Variants in RBPMS observed in about 807,000 individuals in gnomAD.
The protein encoded by RBPMS is RNA binding protein, mRNA processing factor.
A neutral mutation model predicts 26.8 loss-of-function variants in RBPMS; 7 were observed. That is an observed-to-expected ratio of 0.26 (90% CI 0.15 to 0.49). The LOEUF is 0.49. RBPMS is among the 20% of genes least tolerant of loss of function. RBPMS has a pLI of 0.98. For missense variants in RBPMS, 186 were observed against 250.0 expected (o/e 0.74, Z 1.73); for synonymous variants, 96 against 93.3 (o/e 1.03, Z -0.17).
At chr8:30,415,118 C>T (rs989296737) in intron 1 of RBPMS, among the ~76,000 whole-genome samples, 5 of 152,180 alleles carry the variant, frequency 3.3e-5, no homozygotes, top group Admixed American at 3.3e-4. Context: ...CCCTTATCCC[C>T]ACCATCTAAC....
intron 5 of RBPMS, among the ~76,000 whole-genome samples, chr8:30,530,549 G>A (rs1469470486): frequency 6.6e-6 from 1 of 152,066 alleles, no homozygotes; most frequent in African/African-American, 2.4e-5. Context: ...TGCACCATCC[G>A]CTTCCTGGGT....
intron 4 of RBPMS, among the ~76,000 whole-genome samples, chr8:30,486,382 C>T (rs1193809565): frequency 6.7e-6 from 1 of 149,198 alleles, no homozygotes; most frequent in Non-Finnish European, 1.5e-5. Flanking sequence ...AAACAAAAAA[C>T]AGGGTTCAGC....
At chr8:30,478,826 G>C (rs569944382) in intron 3 of RBPMS, among the ~76,000 whole-genome samples, 10 of 152,158 alleles carry the variant, frequency 6.6e-5, no homozygotes, top group African/African-American at 9.7e-5. Context: ...GCATCCCTTA[G>C]GATTTGAGAT....
At chr8:30,522,685 C>T (rs538702471) in intron 5 of RBPMS, among the ~76,000 whole-genome samples, 105 of 152,148 alleles carry the variant, frequency 6.9e-4, no homozygotes, top group Non-Finnish European at 1.2e-3. Context: ...TAGGTATATA[C>T]TTATCTCCAA....
At chr8:30,518,923 C>G (rs1822687083) in intron 5 of RBPMS, among the ~76,000 whole-genome samples, 1 of 151,626 alleles carries the variant, frequency 6.6e-6, no homozygotes, top group African/African-American at 2.4e-5. Flanking sequence ...GGTGATATTG[C>G]TAGTGTCCTC....
intron 7 of RBPMS, among the ~76,000 whole-genome samples, chr8:30,562,327 GAA>G (rs753001749): frequency 4.0e-4 from 41 of 103,382 alleles, no homozygotes; most frequent in African/African-American, 1.5e-3. Flanking sequence ...CAAGACTGTC[GAA>G]AAAAAAAAAA....
At chr8:30,522,243 G>T (rs967426990) in intron 5 of RBPMS, among the ~76,000 whole-genome samples, 2 of 151,294 alleles carry the variant, frequency 1.3e-5, no homozygotes, top group Non-Finnish European at 2.9e-5. Context: ...AGTCCAGCTT[G>T]GGCAACATAG....
At chr8:30,569,652 T>G (rs951941884) in intron 8 of RBPMS, among the ~76,000 whole-genome samples, 4 of 151,970 alleles carry the variant, frequency 2.6e-5, no homozygotes, top group African/African-American at 9.7e-5. Flanking sequence ...CAAAGCAAAG[T>G]AGATGAAGAT....
At chr8:30,515,209 C>A (rs1417630849) in intron 5 of RBPMS, among the ~76,000 whole-genome samples, 1 of 151,510 alleles carries the variant, frequency 6.6e-6, no homozygotes, top group Non-Finnish European at 1.5e-5. Flanking sequence ...TGGTGTCAAG[C>A]CATCCTCCTG....
At chr8:30,430,219 A>AATGGATGGATGG (rs147429445) in intron 1 of RBPMS, among the ~76,000 whole-genome samples, 2 of 151,420 alleles carry the variant, frequency 1.3e-5, no homozygotes, top group African/African-American at 4.8e-5. Flanking sequence ...CCCTGTCTTA[A>AATGGATGGATGG]ATGGATGGAT....
At chr8:30,387,925 T>G (rs571115965) in intron 1 of RBPMS, among the ~76,000 whole-genome samples, 2 of 152,188 alleles carry the variant, frequency 1.3e-5, no homozygotes, top group African/African-American at 4.8e-5. Flanking sequence ...TTTTTGCAGC[T>G]TTTTAGGGTT....
At chr8:30,457,808 C>G (rs1815404701) in intron 1 of RBPMS, among the ~76,000 whole-genome samples, 1 of 152,058 alleles carries the variant, frequency 6.6e-6, no homozygotes, top group African/African-American at 2.4e-5. Context: ...AAACTCCTGA[C>G]CTCGTGATCT....
intron 5 of RBPMS, among the ~76,000 whole-genome samples, chr8:30,518,787 T>C: frequency 7.3e-6 from 1 of 137,714 alleles, no homozygotes; most frequent in Non-Finnish European, 1.5e-5. Context: ...GGCACATGCA[T>C]ACATTATCGT....
chr8:30,388,472 T>A (rs971440581), intron 1 of RBPMS, among the ~76,000 whole-genome samples: 2 of 114,548 alleles, frequency 1.7e-5, no homozygotes, highest in Non-Finnish European at 3.7e-5. Flanking sequence ...TTATAACTTA[T>A]AGCTATAGCT....
intron 1 of RBPMS, among the ~76,000 whole-genome samples, chr8:30,440,801 T>G (rs1812981361): frequency 6.6e-6 from 1 of 151,794 alleles, no homozygotes; most frequent in Non-Finnish European, 1.5e-5. Context: ...TAACTTTTTT[T>G]TTTTTTTTAA....
intron 7 of RBPMS, among the ~76,000 whole-genome samples, chr8:30,561,310 C>T (rs1330040111): frequency 1.3e-5 from 2 of 152,090 alleles, no homozygotes; most frequent in African/African-American, 4.8e-5. Flanking sequence ...GATCCCAAAG[C>T]CTTACTTATT....
At chr8:30,557,113 AGCTGGTCATCTGATC>A (rs1032128430) in intron 6 of RBPMS, among the ~76,000 whole-genome samples, 5 of 151,742 alleles carry the variant, frequency 3.3e-5, no homozygotes, top group Non-Finnish European at 5.9e-5. Flanking sequence ...ACCCTGCTCT[AGCTGGTCATCTGATC>A]GCTGGTCATA....
At chr8:30,549,772 T>TTCTCTC (rs1181705539) in intron 6 of RBPMS, among the ~76,000 whole-genome samples, 7,866 of 71,180 alleles carry the variant, frequency 0.11, 699 homozygotes, top group Middle Eastern at 0.2. Context: ...TTTTCTTTTC[T>TTCTCTC]TCTCTCTCTC....
intron 1 of RBPMS, among the ~76,000 whole-genome samples, chr8:30,461,982 T>C (rs1815964832): frequency 6.6e-6 from 1 of 152,250 alleles, no homozygotes; most frequent in Non-Finnish European, 1.5e-5. Flanking sequence ...TTACTTAGTG[T>C]AATTCCCTTG....
Sources: allele counts gnomAD v4.1 joint callset (sites outside exome capture counted in the v4.1 genomes callset), GRCh38; gene constraint gnomAD v4.1.1; transcripts MANE v1.5; gene names NCBI Gene and HGNC (gene_info 2026-07-23, HGNC 2026-07-21).